Variants in TRIO observed in about 807,000 individuals in gnomAD.
The protein encoded by TRIO is trio Rho guanine nucleotide exchange factor, also known as triple functional domain protein.
In TRIO, 58 loss-of-function variants were observed where a neutral mutation model predicts 351.9. The observed-to-expected ratio is 0.16, with a 90% CI of 0.13 to 0.21. The LOEUF (loss-of-function observed/expected upper bound fraction) is 0.21. Ranked by LOEUF, TRIO falls within the 10% of genes least tolerant of loss-of-function variation. TRIO has a pLI of 1.00. For synonymous variants in TRIO, 1,758 were observed against 1,595.7 expected (o/e 1.10, Z -2.42); for missense variants, 3,201 against 4,027.8 (o/e 0.79, Z 5.56).
chr5:14,367,768 T>A (rs975088503), intron 16 of TRIO, among the ~76,000 whole-genome samples: 6 of 152,198 alleles, frequency 3.9e-5, no homozygotes, highest in Admixed American at 3.3e-4. Flanking sequence ...TTGCCACTAA[T>A]TTATTCCCTG....
At chr5:14,421,046 C>T (rs994434766) in intron 34 of TRIO, among the ~76,000 whole-genome samples, 8 of 152,032 alleles carry the variant, frequency 5.3e-5, no homozygotes, top group Admixed American at 6.6e-5. Context: ...CCCTATGATA[C>T]TCTCCGATAT....
chr5:14,270,340 C>G, intron 1 of TRIO, among the ~76,000 whole-genome samples: 1 of 152,190 alleles, frequency 6.6e-6, no homozygotes, highest in East Asian at 1.9e-4. Flanking sequence ...AATCCCCTCT[C>G]TCCGCCTTGC....
intron 1 of TRIO, among the ~76,000 whole-genome samples, chr5:14,186,343 T>C (rs2152143445): frequency 6.6e-6 from 1 of 152,214 alleles, no homozygotes; most frequent in African/African-American, 2.4e-5. Context: ...ATTAAAGAAC[T>C]CCAAAAACAT....
intron 1 of TRIO, among the ~76,000 whole-genome samples, chr5:14,209,423 G>T (rs1791746565): frequency 6.6e-6 from 1 of 152,226 alleles, no homozygotes; most frequent in South Asian, 2.1e-4. Context: ...CCTGTCACGT[G>T]TCATGTCTCT....
rs201948624 is a variant in TRIO at position 14,182,873 on chromosome 5, TC to T, written c.157+38993del. Among the ~76,000 whole-genome samples, 96 of 32,806 alleles carry T rather than the reference TC, an allele frequency of 2.9e-3. 1 individual carries two copies. The East Asian group carries it at 0.16, about 56-fold the overall frequency. 21.5% of individuals were successfully genotyped at this position (32,806 alleles called of 152,430 possible). A position where few individuals can be genotyped will look rare whatever the true frequency, so the allele number is the denominator to read the frequency against. ...CAAATACAGTGGAGACCCCCCCCCCTCCACTTTGCCGTGCACTTTGTTCTAG... is the reference window on the plus strand; with the variant it reads ...CAAATACAGTGGAGACCCCCCCCCCTCACTTTGCCGTGCACTTTGTTCTAG... On this transcript the variant is annotated intron_variant, in intron 1 of 56. Coordinates refer to ENST00000344204, the MANE Select transcript of TRIO (RefSeq NM_007118.4).
At chr5:14,185,864 G>A (rs1215093270) in intron 1 of TRIO, among the ~76,000 whole-genome samples, 2 of 152,140 alleles carry the variant, frequency 1.3e-5, no homozygotes, top group Non-Finnish European at 2.9e-5. Flanking sequence ...GGTGGGGTGA[G>A]GAGTGTGGAG....
intron 52 of TRIO, 36 bp from the exon 53 acceptor site, chr5:14,498,483 T>C (rs1440832717): frequency 6.2e-7 from 1 of 1,602,742 alleles, no homozygotes; most frequent in Admixed American, 1.7e-5. Flanking sequence ...GTGCTCAGCT[T>C]TTCTGATGCG....
intron 1 of TRIO, among the ~76,000 whole-genome samples, chr5:14,206,581 C>T (rs1231727343): frequency 6.6e-6 from 1 of 152,208 alleles, no homozygotes; most frequent in East Asian, 1.9e-4. Context: ...TCCCGCTGCC[C>T]TTCTGTTCTG....
intron 49 of TRIO, among the ~76,000 whole-genome samples, chr5:14,495,658 GAAAAAAAAAAA>G (rs56018324): frequency 0.021 from 688 of 32,600 alleles, 17 homozygotes; most frequent in African/African-American, 0.064. Flanking sequence ...GTCTCTACTA[GAAAAAAAAAAA>G]AAAAAAAAAA....
At chr5:14,339,097 C>T (rs780881929) in intron 11 of TRIO, among the ~76,000 whole-genome samples, 2 of 152,158 alleles carry the variant, frequency 1.3e-5, no homozygotes, top group Middle Eastern at 3.4e-3. Context: ...AAAAATTAGC[C>T]GGGTGTGGTG....
intron 1 of TRIO, among the ~76,000 whole-genome samples, chr5:14,191,974 G>C (rs1181572678): frequency 6.6e-6 from 1 of 151,984 alleles, no homozygotes; most frequent in African/African-American, 2.4e-5. Flanking sequence ...GGAGATGTTG[G>C]CATATCAAAG....
chr5:14,408,896 G>A (rs187148471), intron 33 of TRIO, among the ~76,000 whole-genome samples: 28 of 151,848 alleles, frequency 1.8e-4, no homozygotes, highest in South Asian at 4.2e-4. Flanking sequence ...TAAATTTTTT[G>A]AATGAAATTG....
Position 14,293,267 on chromosome 5 carries a change from A to G in TRIO, c.1176+133A>G. 2.4e-6 allele frequency: 3 copies of G among 1,249,046 alleles called. No individual in the cohort carries two copies. In the Admixed American group the frequency reaches 6.8e-5, roughly 28 times the overall value. 77.4% of individuals were successfully genotyped at this position (1,249,046 alleles called of 1,614,324 possible). ...GTTGATTGTAGCAGCTGACCTTCAC[A>G]TGGAGGGTGTTCCCTAGGGTTCCAT... On this transcript the variant is annotated intron_variant, in intron 6 of 56. Transcript: ENST00000344204.
At chr5:14,180,517 G>A (rs116265252) in intron 1 of TRIO, among the ~76,000 whole-genome samples, 129 of 152,278 alleles carry the variant, frequency 8.5e-4, no homozygotes, top group African/African-American at 3.0e-3. Flanking sequence ...AGACCATGTT[G>A]TTAGAAGTGT....
At chr5:14,435,566 CCTA>C (rs1415699792) in intron 34 of TRIO, among the ~76,000 whole-genome samples, 4 of 152,246 alleles carry the variant, frequency 2.6e-5, no homozygotes, top group African/African-American at 9.6e-5. Flanking sequence ...GTAGTTCTTG[CCTA>C]CAACACTATA....
intron 34 of TRIO, among the ~76,000 whole-genome samples, chr5:14,443,946 A>C (rs1344748513): frequency 6.6e-6 from 1 of 152,196 alleles, no homozygotes; most frequent in African/African-American, 2.4e-5. Context: ...GACAGATGGA[A>C]TCTATTCCAG....
intron 49 of TRIO, among the ~76,000 whole-genome samples, chr5:14,496,628 A>G (rs111503972): frequency 3.4e-4 from 52 of 152,336 alleles, no homozygotes; most frequent in African/African-American, 1.2e-3. Flanking sequence ...GACCCAGTCA[A>G]GTTACACATA....
intron 9 of TRIO, 40 bp from the exon 10 acceptor site, chr5:14,330,738 A>G (rs1561349769): frequency 1.2e-6 from 2 of 1,608,124 alleles, no homozygotes; most frequent in South Asian, 1.1e-5. Context: ...ACATGGCAGG[A>G]CATTGTTTTT....
At chr5:14,456,441 TA>T (rs2126466805) in intron 34 of TRIO, among the ~76,000 whole-genome samples, 1 of 152,360 alleles carries the variant, frequency 6.6e-6, no homozygotes, top group African/African-American at 2.4e-5. Flanking sequence ...ATGAGCCGAT[TA>T]CACAGGGCTC....
Sources: gnomAD v4.1 joint callset for allele counts (sites outside exome capture counted in the v4.1 genomes callset) on GRCh38, gnomAD v4.1.1 for gene constraint, MANE v1.5 for transcripts, NCBI Gene and HGNC (gene_info 2026-07-23, HGNC 2026-07-21) for gene names.